The following SRGAP3 variants were observed in gnomAD, a reference collection of about 807,000 sequenced individuals.
The protein encoded by SRGAP3 is SLIT-ROBO Rho GTPase-activating protein 3.
Under a neutral mutation model 121.1 loss-of-function variants are expected in SRGAP3, and 39 were observed. The ratio of observed to expected loss-of-function variants is 0.32; its 90% CI spans 0.25 to 0.42. The LOEUF is 0.42. SRGAP3 is among the 10% of genes least tolerant of loss of function. The pLI is 1.00. For missense variants in SRGAP3, 1,213 were observed against 1,470.6 expected (o/e 0.82, Z 2.86); for synonymous variants, 601 against 570.0 (o/e 1.05, Z -0.77).
At chr3:9,334,727 T>G (rs959480265) in intron 1 of SRGAP3, among the ~76,000 whole-genome samples, 1 of 152,156 alleles carries the variant, frequency 6.6e-6, no homozygotes, top group African/African-American at 2.4e-5. Flanking sequence ...AGACTGACAG[T>G]CAACTACCCA....
chr3:9,273,485 A>G (rs1260405419), intron 3 of SRGAP3, among the ~76,000 whole-genome samples: 1 of 152,094 alleles, frequency 6.6e-6, no homozygotes, highest in Non-Finnish European at 1.5e-5. Context: ...TTCTTTATAT[A>G]AGCCAGATAT....
intron 3 of SRGAP3, among the ~76,000 whole-genome samples, chr3:9,272,783 TG>T (rs1954501710): frequency 6.8e-6 from 1 of 147,978 alleles, no homozygotes; most frequent in African/African-American, 2.5e-5. Flanking sequence ...GTGAAATTAC[TG>T]GATCATATAA....
At chr3:9,136,889 G>C (rs1029378223) in intron 1 of SRGAP3, among the ~76,000 whole-genome samples, 2 of 152,186 alleles carry the variant, frequency 1.3e-5, no homozygotes, top group Non-Finnish European at 2.9e-5. Flanking sequence ...ATCAGACTTG[G>C]CTGAGTTCAG....
chr3:9,114,310 C>A (rs73017499), intron 2 of SRGAP3, among the ~76,000 whole-genome samples: 10,419 of 152,240 alleles, frequency 0.068, 418 homozygotes, highest in African/African-American at 0.085. Flanking sequence ...CATAATAGTA[C>A]TTTTTATTGT....
intron 4 of SRGAP3, among the ~76,000 whole-genome samples, chr3:9,071,083 G>A (rs1272697518): frequency 1.3e-5 from 2 of 152,136 alleles, no homozygotes; most frequent in East Asian, 3.9e-4. Flanking sequence ...TAGCCCAGGG[G>A]AGCAGGAGGC....
At chr3:9,309,710 T>A (rs1315100207) in intron 3 of SRGAP3, among the ~76,000 whole-genome samples, 2 of 151,884 alleles carry the variant, frequency 1.3e-5, no homozygotes, top group African/African-American at 4.8e-5. Context: ...AATTTGAAAA[T>A]CAGACAGATG....
At chr3:8,997,757 G>A (rs1186952598) in intron 18 of SRGAP3, among the ~76,000 whole-genome samples, 1 of 152,096 alleles carries the variant, frequency 6.6e-6, no homozygotes, top group Non-Finnish European at 1.5e-5. Flanking sequence ...ATTTTACGAT[G>A]CTAGATTTAT....
intron 3 of SRGAP3, among the ~76,000 whole-genome samples, chr3:9,297,895 CAA>C (rs570161721): frequency 8.3e-6 from 1 of 120,246 alleles, no homozygotes; most frequent in Non-Finnish European, 1.8e-5. Context: ...GACTCAGTCT[CAA>C]AAAAAAAAAA....
At chr3:9,086,016 G>C (rs558452551) in intron 3 of SRGAP3, among the ~76,000 whole-genome samples, 1 of 152,300 alleles carries the variant, frequency 6.6e-6, no homozygotes, top group Admixed American at 6.5e-5. Flanking sequence ...AGGACTTCTA[G>C]TAAGGCAGCC....
chr3:9,361,291 G>A (rs538399706), intron 1 of SRGAP3, among the ~76,000 whole-genome samples: 14 of 151,714 alleles, frequency 9.2e-5, no homozygotes, highest in Admixed American at 1.3e-4. Context: ...TTTTTGTAGC[G>A]ACAGAGTTTT....
At chr3:9,066,743 C>T (rs1055686252) in intron 4 of SRGAP3, among the ~76,000 whole-genome samples, 3 of 152,232 alleles carry the variant, frequency 2.0e-5, no homozygotes, top group Non-Finnish European at 4.4e-5. Flanking sequence ...AGGTGATCCT[C>T]CCGCCTTGAC....
At chr3:9,137,722 G>A (rs1328361577) in intron 1 of SRGAP3, among the ~76,000 whole-genome samples, 1 of 152,144 alleles carries the variant, frequency 6.6e-6, no homozygotes, top group Non-Finnish European at 1.5e-5. Flanking sequence ...CCCTGAATAG[G>A]AAGCAGGCAG....
intron 3 of SRGAP3, among the ~76,000 whole-genome samples, chr3:9,262,534 CAAA>C (rs765408588): frequency 5.2e-3 from 133 of 25,556 alleles, no homozygotes; most frequent in Middle Eastern, 0.036. Flanking sequence ...AAATGGAAAG[CAAA>C]AAAAAAAAAA....
At chr3:9,009,127 G>C (rs986428699) in intron 18 of SRGAP3, among the ~76,000 whole-genome samples, 6 of 152,326 alleles carry the variant, frequency 3.9e-5, no homozygotes, top group African/African-American at 1.4e-4. Flanking sequence ...TTAAGCTTAA[G>C]TTGATTTGAG....
intron 9 of SRGAP3, among the ~76,000 whole-genome samples, chr3:9,051,710 C>CTTTTTT (rs36044423): frequency 7.8e-5 from 8 of 103,104 alleles, no homozygotes; most frequent in South Asian, 6.7e-4. Context: ...TTGCTCAATT[C>CTTTTTT]TTTTTTTTTT....
At chr3:8,993,455 C>A (rs1472623868) in intron 19 of SRGAP3, among the ~76,000 whole-genome samples, 1 of 152,198 alleles carries the variant, frequency 6.6e-6, no homozygotes, top group East Asian at 1.9e-4. Flanking sequence ...TCTGGCTAAG[C>A]AAGGGAGGAA....
At chr3:9,060,453 G>C (rs6775479) in intron 5 of SRGAP3, 94 bp from the exon 6 acceptor site, 841,471 of 1,347,144 alleles carry the variant, frequency 0.62, 264,965 homozygotes, top group South Asian at 0.69. Flanking sequence ...TTGAGACAGG[G>C]TGTTGCTCTG....
Position 9,060,453 on chromosome 3 carries a change from G to T in SRGAP3, c.673-94C>A, listed in dbSNP as rs6775479. The T allele has an allele frequency of 1.8e-5, 24 of 1,358,352 alleles. No homozygotes were observed. In the East Asian group the frequency reaches 2.3e-4, roughly 13 times the overall value. The allele number at this position is 1,358,352 out of a possible 1,614,324, so 84.1% of individuals were successfully genotyped here. On this transcript the variant is annotated intron_variant, in intron 5 of 21. Transcript: ENST00000383836. Reference sequence around the variant, plus strand: ...CTTTTTTTTTTTTTTTTGAGACAGGGTGTTGCTCTGTCACCCAGGTGAGAG... The same window carrying T: ...CTTTTTTTTTTTTTTTTGAGACAGGTTGTTGCTCTGTCACCCAGGTGAGAG...
intron 2 of SRGAP3, among the ~76,000 whole-genome samples, chr3:9,118,256 C>T (rs964024253): frequency 1.3e-5 from 2 of 152,228 alleles, no homozygotes; most frequent in African/African-American, 4.8e-5. Context: ...CCTTCTCCTC[C>T]TCCTCTTCCT....
Sources: gnomAD v4.1 joint callset for allele counts (sites outside exome capture counted in the v4.1 genomes callset) on GRCh38, gnomAD v4.1.1 for gene constraint, MANE v1.5 for transcripts, NCBI Gene and HGNC (gene_info 2026-07-23, HGNC 2026-07-21) for gene names.